Variants in ODAPH observed in about 807,000 individuals in gnomAD.
ODAPH encodes odontogenesis associated phosphoprotein.
In ODAPH, 2 loss-of-function variants were observed where a neutral mutation model predicts 2.8. The ratio of observed to expected loss-of-function variants is 0.72; its 90% CI spans 0.30 to 2.28. The LOEUF is 2.28. ODAPH is among the 30% of genes most tolerant of loss of function. ODAPH has a pLI of 0.13. For synonymous variants in ODAPH, 75 were observed against 60.3 expected, an observed-to-expected ratio of 1.24 and a Z score of -1.13; for missense variants, 159 against 163.3, an observed-to-expected ratio of 0.97 and a Z score of 0.14.
intron 1 of ODAPH, among the ~76,000 whole-genome samples, chr4:75,561,043 T>C (rs2014464): frequency 0.64 from 97,244 of 151,546 alleles, 32,667 homozygotes; most frequent in African/African-American, 0.85. Flanking sequence ...CGGTGAAACC[T>C]CGTCTCTACT....
intron 1 of ODAPH, among the ~76,000 whole-genome samples, chr4:75,562,198 A>G (rs935448568): frequency 1.3e-5 from 2 of 152,178 alleles, no homozygotes; most frequent in Non-Finnish European, 2.9e-5. Context: ...GAAACAGAAT[A>G]TATGTATGAG....
chr4:75,563,973 T>C, intron 1 of ODAPH, 141 bp from the exon 2 acceptor site: 1 of 717,874 alleles, frequency 1.4e-6, no homozygotes, highest in Non-Finnish European at 2.3e-6. Flanking sequence ...CTCATTTCAT[T>C]GAACGTTGGC....
At chr4:75,565,714 A>G (rs887230765), downstream of ODAPH, 4 of 152,116 alleles carry the variant, frequency 2.6e-5, no homozygotes, top group East Asian at 7.7e-4. Flanking sequence ...TTTCCTCCCA[A>G]GATCTACATG....
At chr4:75,558,732 C>T (rs1018009631) in intron 1 of ODAPH, among the ~76,000 whole-genome samples, 4 of 152,124 alleles carry the variant, frequency 2.6e-5, no homozygotes, top group African/African-American at 9.7e-5. Flanking sequence ...CTCCCTCTGT[C>T]GCCCAGGCTG....
intron 1 of ODAPH, among the ~76,000 whole-genome samples, chr4:75,561,223 C>CAAAAAACAAAAACAAAAAAAAAAA (rs760206306): frequency 1.6e-5 from 1 of 62,700 alleles, no homozygotes; most frequent in African/African-American, 6.1e-5. Flanking sequence ...AACTCAATCT[C>CAAAAAACAAAAACAAAAAAAAAAA]AAAAAAAAAA....
Position 75,564,394 on chromosome 4 carries a change from C to T in ODAPH, c.348C>T (p.Phe116=). The change falls in exon 2 of 2, where the codon TTC becomes TTT. Residue 116 remains phenylalanine (F), a synonymous_variant. Transcript: ENST00000311623. ...WPHRYLTYRY[F]PRRRLQRGSS... is the part of the protein sequence containing the mutation. ...ACCGTTACCTTACTTATAGGTATTT[C>T]CCCAGAAGAAGACTCCAGAGAGGAA... 1 of 1,614,120 alleles carries T rather than the reference C, an allele frequency of 6.2e-7. No individual in the cohort carries two copies. Among genetic ancestry groups the T allele is most frequent in the Non-Finnish European group, 8.5e-7 (1 of 1,180,014 alleles).
At chr4:75,560,392 A>G (rs1374156360) in intron 1 of ODAPH, among the ~76,000 whole-genome samples, 1 of 152,238 alleles carries the variant, frequency 6.6e-6, no homozygotes, top group Non-Finnish European at 1.5e-5. Flanking sequence ...GAACAAAGAT[A>G]AAAGAATTAA....
chr4:75,561,134 G>A (rs936044529), intron 1 of ODAPH, among the ~76,000 whole-genome samples: 8 of 147,572 alleles, frequency 5.4e-5, no homozygotes, highest in African/African-American at 2.0e-4. Flanking sequence ...TGAGGCAGGA[G>A]AATGGCGTGA....
At chr4:75,557,189 A>G (rs1343049051) in intron 1 of ODAPH, among the ~76,000 whole-genome samples, 1 of 152,228 alleles carries the variant, frequency 6.6e-6, no homozygotes, top group African/African-American at 2.4e-5. Flanking sequence ...CCCAAGCCTC[A>G]CCTACTAAAA....
intron 1 of ODAPH, among the ~76,000 whole-genome samples, chr4:75,557,162 T>C (rs1467831332): frequency 2.0e-5 from 3 of 152,118 alleles, no homozygotes; most frequent in South Asian, 4.1e-4. Flanking sequence ...CCTGCCCCCA[T>C]ATCCCAAGGC....
Position 75,564,275 on chromosome 4 carries a change from C to T in ODAPH, c.229C>T (p.Arg77Ter), listed in dbSNP as rs866941536. ...TPRCPFHFFP[R>*]RPRIHFRFPN... ...CAGGTGTCCCTTCCATTTTTTTCCACGAAGGCCCAGAATCCATTTTAGGTT... is the reference window on the plus strand; with the variant it reads ...CAGGTGTCCCTTCCATTTTTTTCCATGAAGGCCCAGAATCCATTTTAGGTT... The change falls in exon 2 of 2, where the codon CGA (arginine) becomes TGA (stop). Residue 77 changes from arginine (R) to a stop codon, truncating the protein, a stop_gained. Coordinates refer to ENST00000311623, the MANE Select transcript of ODAPH (RefSeq NM_178497.5). LOFTEE classifies it low-confidence loss of function (END_TRUNC). The T allele has an allele frequency of 6.2e-6, 10 of 1,614,164 alleles. No homozygotes were observed. The highest frequency in any genetic ancestry group is 2.2e-5 in the South Asian group (2 of 91,086).
intron 1 of ODAPH, among the ~76,000 whole-genome samples, chr4:75,563,511 C>A (rs1190102170): frequency 6.6e-6 from 1 of 152,126 alleles, no homozygotes; most frequent in South Asian, 2.1e-4. Context: ...GTAACAACCA[C>A]CCAGATCAAG....
intron 1 of ODAPH, among the ~76,000 whole-genome samples, chr4:75,562,339 CTTTTT>C (rs10672492): frequency 7.4e-6 from 1 of 135,650 alleles, no homozygotes. Context: ...GTGGGAAGTT[CTTTTT>C]TTTTTTTTTT....
chr4:75,564,328 G>A lies in ODAPH; in HGVS notation c.282G>A (p.Arg94=), dbSNP rs1727725402. ...CAAACAGACCTTTCGTCCCTTCAAGGTGTAACCACCGTTTTCCATTCCAGC... is the reference window on the plus strand; with the variant it reads ...CAAACAGACCTTTCGTCCCTTCAAGATGTAACCACCGTTTTCCATTCCAGC... ...RFPNRPFVPS[R]CNHRFPFQPF... is the part of the protein sequence containing the mutation. Residue 94 remains arginine (R), a synonymous_variant, in exon 2 of 2, where the codon AGG becomes AGA. Coordinates refer to ENST00000311623, the MANE Select transcript of ODAPH (RefSeq NM_178497.5). 6.2e-7 allele frequency: 1 copy of A among 1,614,092 alleles called. No homozygotes were observed. Among genetic ancestry groups the A allele is most frequent in the African/African-American group, 1.3e-5 (1 of 75,000 alleles).
chr4:75,562,053 TG>T (rs1727598710), intron 1 of ODAPH, among the ~76,000 whole-genome samples: 1 of 152,220 alleles, frequency 6.6e-6, no homozygotes, highest in South Asian at 2.1e-4. Context: ...TCTTCCACTG[TG>T]GCTCAATTCT....
chr4:75,563,759 G>C (rs1214840035), intron 1 of ODAPH, among the ~76,000 whole-genome samples: 1 of 152,036 alleles, frequency 6.6e-6, no homozygotes, highest in African/African-American at 2.4e-5. Context: ...CCTTTTTATC[G>C]CTGAGTACTA....
chr4:75,556,103 C>T lies in ODAPH; in HGVS notation c.21C>T (p.Phe7=). The change falls in exon 1 of 2, where the codon TTC becomes TTT. Residue 7 remains phenylalanine (F), a synonymous_variant. Transcript: ENST00000311623. MARRHC[F]SYWLLVCWLV... is the part of the protein sequence containing the mutation. ...AAGCCATGGCTCGCAGACACTGCTTCTCCTACTGGTTACTGGTATGCTGGT... is the reference window on the plus strand; with the variant it reads ...AAGCCATGGCTCGCAGACACTGCTTTTCCTACTGGTTACTGGTATGCTGGT... The T allele has an allele frequency of 6.2e-7, 1 of 1,614,174 alleles. No individual in the cohort carries two copies. The highest frequency in any genetic ancestry group is 1.3e-5 in the African/African-American group (1 of 75,044).
chr4:75,558,144 C>G (rs1727417815), intron 1 of ODAPH, among the ~76,000 whole-genome samples: 1 of 152,168 alleles, frequency 6.6e-6, no homozygotes, highest in Non-Finnish European at 1.5e-5. Context: ...GCCAGAGCCC[C>G]TAATGTAGTA....
Position 75,564,332 on chromosome 4 carries a change from A to G in ODAPH, c.286A>G (p.Asn96Asp). Reference sequence around the variant, plus strand: ...CAGACCTTTCGTCCCTTCAAGGTGTAACCACCGTTTTCCATTCCAGCCATT... The same window carrying G: ...CAGACCTTTCGTCCCTTCAAGGTGTGACCACCGTTTTCCATTCCAGCCATT... ...PNRPFVPSRC[N>D]HRFPFQPFYW... Residue 96 changes from asparagine (N) to aspartate (D), a missense_variant, in exon 2 of 2, where the codon AAC (asparagine) becomes GAC (aspartate). Coordinates refer to ENST00000311623, the MANE Select transcript of ODAPH (RefSeq NM_178497.5). 1 of 1,614,152 alleles carries G rather than the reference A, an allele frequency of 6.2e-7. No individual in the cohort carries two copies. Among genetic ancestry groups the G allele is most frequent in the Non-Finnish European group, 8.5e-7 (1 of 1,180,034 alleles).
Sources: allele counts gnomAD v4.1 joint callset (sites outside exome capture counted in the v4.1 genomes callset), GRCh38; gene constraint gnomAD v4.1.1; transcripts MANE v1.5; gene names NCBI Gene and HGNC (gene_info 2026-07-23, HGNC 2026-07-21).